Variants in ADAMTS16 observed in about 807,000 individuals in gnomAD.
ADAMTS16 encodes the protein A disintegrin and metalloproteinase with thrombospondin motifs 16.
Under a neutral mutation model 145.8 loss-of-function variants are expected in ADAMTS16, and 94 were observed. That is an observed-to-expected ratio of 0.64 (90% CI 0.55 to 0.77). The LOEUF (loss-of-function observed/expected upper bound fraction) is 0.77, where lower values mean the gene tolerates loss of function less well. Ranked by LOEUF, ADAMTS16 falls within the 30% of genes least tolerant of loss-of-function variation. ADAMTS16 has a pLI of 0.00. For synonymous variants in ADAMTS16, 659 were observed against 604.3 expected, an observed-to-expected ratio of 1.09 and a Z score of -1.33; for missense variants, 1,585 against 1,591.5, an observed-to-expected ratio of 1.00 and a Z score of 0.07.
intron 11 of ADAMTS16, among the ~76,000 whole-genome samples, chr5:5,228,378 T>C (rs931202611): frequency 3.3e-5 from 5 of 152,308 alleles, no homozygotes; most frequent in African/African-American, 1.2e-4. Flanking sequence ...GCTTATATTG[T>C]TAAGAACCAA....
chr5:5,176,841 G>A (rs930057662), intron 3 of ADAMTS16, among the ~76,000 whole-genome samples: 9 of 152,170 alleles, frequency 5.9e-5, no homozygotes, highest in African/African-American at 2.2e-4. Flanking sequence ...AACCATGGGA[G>A]GCATGTTGGC....
intron 17 of ADAMTS16, among the ~76,000 whole-genome samples, chr5:5,247,291 TA>T (rs1271759604): frequency 6.6e-6 from 1 of 152,152 alleles, no homozygotes; most frequent in Non-Finnish European, 1.5e-5. Context: ...GCTGATCTAC[TA>T]AAAACGTCTC....
chr5:5,141,365 C>A (rs946456698), intron 2 of ADAMTS16, among the ~76,000 whole-genome samples: 1 of 152,172 alleles, frequency 6.6e-6, no homozygotes, highest in African/African-American at 2.4e-5. Context: ...CACAATTTGA[C>A]ATGAGGGCAA....
intron 17 of ADAMTS16, among the ~76,000 whole-genome samples, chr5:5,261,614 T>G (rs116799218): frequency 6.6e-6 from 1 of 151,686 alleles, no homozygotes. Context: ...AGCCTCCTGA[T>G]AGCTGGGAAT....
At chr5:5,259,951 T>G (rs1054242370) in intron 17 of ADAMTS16, among the ~76,000 whole-genome samples, 11 of 152,238 alleles carry the variant, frequency 7.2e-5, no homozygotes, top group African/African-American at 2.7e-4. Context: ...TTCTCCTGCC[T>G]GGGGGGACTT....
chr5:5,234,204 G>T (rs888083078), intron 12 of ADAMTS16, among the ~76,000 whole-genome samples: 3 of 152,252 alleles, frequency 2.0e-5, no homozygotes, highest in African/African-American at 7.2e-5. Context: ...ATTCTCTGGG[G>T]TGAGCTGTCA....
rs1468884901 is a variant in ADAMTS16 at position 5,319,810 on chromosome 5, A to G, written c.*672A>G. Reference sequence around the variant, plus strand: ...AAATGGGAAAAATGAAATTCCTGCTAAGGTGCTTCTATCTCTTTCAGATTC... The same window carrying G: ...AAATGGGAAAAATGAAATTCCTGCTGAGGTGCTTCTATCTCTTTCAGATTC... On this transcript the variant is annotated 3_prime_UTR_variant, in exon 23 of 23. Coordinates refer to ENST00000274181, the MANE Select transcript of ADAMTS16 (RefSeq NM_139056.4). 6.6e-6 allele frequency: 3 copies of G among 451,756 alleles called. No homozygotes were observed. Among genetic ancestry groups the G allele is most frequent in the Non-Finnish European group, 1.3e-5 (3 of 225,660 alleles). The allele number at this position is 451,756 out of a possible 1,614,324, so 28.0% of individuals were successfully genotyped here.
chr5:5,162,241 A>T (rs1734758683), intron 3 of ADAMTS16, among the ~76,000 whole-genome samples: 3 of 152,244 alleles, frequency 2.0e-5, no homozygotes, highest in South Asian at 2.1e-4. Flanking sequence ...TTTTAGGCAG[A>T]TTCATTACAG....
At chr5:5,263,496 TCC>T (rs1738111082) in intron 18 of ADAMTS16, among the ~76,000 whole-genome samples, 1 of 152,238 alleles carries the variant, frequency 6.6e-6, no homozygotes, top group Admixed American at 6.5e-5. Context: ...TTTGCTGGAC[TCC>T]CAGCAGGGGT....
rs1219154098 is a variant in ADAMTS16, at chr5:5,200,141, G to A, written c.1323G>A (p.Met441Ile). 1 of 1,609,234 alleles carries A rather than the reference G, an allele frequency of 6.2e-7. No individual in the cohort carries two copies. The highest frequency in any genetic ancestry group is 1.1e-5 in the South Asian group (1 of 90,360). The change falls in exon 9 of 23, where the codon ATG (methionine) becomes ATA (isoleucine). Residue 441 changes from methionine to isoleucine, a missense_variant. Transcript: ENST00000274181. ...TCTCTCTCTCTCATAGCTTTGGCAT[G>A]ATTCATGATGGAGAAGGGAACATGT... The part of the protein sequence containing the change: ...IAHESGHNFG[M>I]IHDGEGNMCK...
intron 9 of ADAMTS16, among the ~76,000 whole-genome samples, chr5:5,205,312 A>G (rs1488330961): frequency 6.6e-6 from 1 of 151,632 alleles, no homozygotes; most frequent in African/African-American, 2.4e-5. Flanking sequence ...ACTGCTGGAA[A>G]AAAAGAAAAA....
rs141037956 is a variant in ADAMTS16 at position 5,147,720 on chromosome 5, T to A, written c.501+1265T>A. 1.3e-4 allele frequency among the ~76,000 whole-genome samples: 20 copies of A among 152,348 alleles called. No individual in the cohort carries two copies. In the East Asian group the frequency reaches 3.7e-3, roughly 28 times the overall value. ...TAAGTCTTCCTTAACGGACTAGAAC[T>A]CTTCATGAAATGCACAAAATGAAGA... On this transcript the variant is annotated intron_variant, in intron 3 of 22. Coordinates refer to ENST00000274181, the MANE Select transcript of ADAMTS16 (RefSeq NM_139056.4).
intron 18 of ADAMTS16, among the ~76,000 whole-genome samples, chr5:5,280,275 CT>C (rs1738854426): frequency 6.6e-6 from 1 of 152,158 alleles, no homozygotes; most frequent in South Asian, 2.1e-4. Flanking sequence ...TTATTTCTGC[CT>C]TGCCACCTCC....
chr5:5,306,218 C>T (rs1006099929), intron 20 of ADAMTS16, among the ~76,000 whole-genome samples: 7 of 152,206 alleles, frequency 4.6e-5, no homozygotes, highest in Admixed American at 3.9e-4. Context: ...GACAGCCCAA[C>T]ATTTTAATTT....
At chr5:5,222,625 G>C (rs1036696273) in intron 10 of ADAMTS16, among the ~76,000 whole-genome samples, 164 bp from the exon 11 acceptor site, 1 of 152,138 alleles carries the variant, frequency 6.6e-6, no homozygotes, top group Non-Finnish European at 1.5e-5. Flanking sequence ...TAGAGCATGA[G>C]TCTCCTTACA....
intron 9 of ADAMTS16, among the ~76,000 whole-genome samples, chr5:5,204,834 T>C (rs1389974960): frequency 3.3e-5 from 5 of 152,208 alleles, no homozygotes; most frequent in Admixed American, 6.5e-5. Flanking sequence ...TAGACAGTAC[T>C]AATCAGCTTT....
chr5:5,184,371 G>A (rs532879597), intron 4 of ADAMTS16, among the ~76,000 whole-genome samples: 2 of 152,210 alleles, frequency 1.3e-5, no homozygotes, highest in South Asian at 4.2e-4. Flanking sequence ...GCAGGGCCTC[G>A]TGTCACCTAT....
intron 7 of ADAMTS16, among the ~76,000 whole-genome samples, chr5:5,191,057 A>G (rs1252005622): frequency 6.6e-6 from 1 of 152,146 alleles, no homozygotes; most frequent in African/African-American, 2.4e-5. Context: ...ATTCACCTTC[A>G]TTGCCACGAC....
chr5:5,209,373 C>A, intron 10 of ADAMTS16, 127 bp downstream of exon 10: 1 of 1,148,084 alleles, frequency 8.7e-7, no homozygotes, highest in Non-Finnish European at 1.2e-6. Flanking sequence ...TATGTTAAGG[C>A]TGGTCCTGTA....
Sources: allele counts gnomAD v4.1 joint callset (sites outside exome capture counted in the v4.1 genomes callset), GRCh38; gene constraint gnomAD v4.1.1; transcripts MANE v1.5; gene names NCBI Gene and HGNC (gene_info 2026-07-23, HGNC 2026-07-21).